BTBD9: variants seen among roughly 807,000 people sequenced by gnomAD.
BTBD9 encodes the protein BTB/POZ domain-containing protein 9.
BTBD9 carries 49 observed loss-of-function variants against 64.3 expected under a neutral mutation model. That is an observed-to-expected ratio of 0.76 (90% CI 0.61 to 0.97). The LOEUF is 0.97. Among genes scored for constraint, BTBD9 ranks in the 50% least tolerant of loss-of-function variants. The probability of loss-of-function intolerance (pLI) is 0.00; values close to 1 mark genes in which losing one functional copy is unlikely to be tolerated. For synonymous variants in BTBD9, 260 were observed against 274.7 expected, an observed-to-expected ratio of 0.95 and a Z score of 0.53; for missense variants, 598 against 762.1, an observed-to-expected ratio of 0.78 and a Z score of 2.53.
intron 9 of BTBD9, among the ~76,000 whole-genome samples, chr6:38,223,198 C>T (rs1032649628): frequency 1.3e-5 from 2 of 152,156 alleles, no homozygotes; most frequent in East Asian, 1.9e-4. Flanking sequence ...TGAGCCACTA[C>T]GCCCGGCCTA....
At chr6:38,617,777 A>G (rs1464821952) in intron 1 of BTBD9, among the ~76,000 whole-genome samples, 3 of 152,136 alleles carry the variant, frequency 2.0e-5, no homozygotes, top group Non-Finnish European at 4.4e-5. Context: ...CCTCCACTCC[A>G]TTTTGAGGCA....
intron 6 of BTBD9, 66 bp from the exon 7 acceptor site, chr6:38,345,159 C>T (rs1764231555): frequency 1.9e-6 from 2 of 1,034,056 alleles, no homozygotes; most frequent in Non-Finnish European, 1.5e-6. Flanking sequence ...CCAAGGATAA[C>T]AGAGTAAGAC....
At chr6:38,567,507 C>T (rs948482789) in intron 6 of BTBD9, among the ~76,000 whole-genome samples, 1 of 152,220 alleles carries the variant, frequency 6.6e-6, no homozygotes, top group Non-Finnish European at 1.5e-5. Flanking sequence ...CCACTCCCCC[C>T]ACCTTTCTTC....
chr6:38,465,946 G>A (rs912799275), intron 6 of BTBD9, among the ~76,000 whole-genome samples: 2 of 141,228 alleles, frequency 1.4e-5, no homozygotes, highest in African/African-American at 5.3e-5. Context: ...TCCTCTCATC[G>A]CAGCCTCCAG....
intron 6 of BTBD9, among the ~76,000 whole-genome samples, chr6:38,379,955 T>C (rs1765861476): frequency 6.6e-6 from 1 of 152,118 alleles, no homozygotes; most frequent in Non-Finnish European, 1.5e-5. Flanking sequence ...ATGTCCCACA[T>C]AGAAAATATA....
chr6:38,541,464 C>A (rs935758992), intron 6 of BTBD9, among the ~76,000 whole-genome samples: 1 of 152,072 alleles, frequency 6.6e-6, no homozygotes, highest in Non-Finnish European at 1.5e-5. Flanking sequence ...TCTGGCCAGG[C>A]GCAGTGGCTC....
chr6:38,321,217 CACAG>C (rs1408635684), intron 7 of BTBD9, among the ~76,000 whole-genome samples: 1 of 152,176 alleles, frequency 6.6e-6, no homozygotes, highest in Non-Finnish European at 1.5e-5. Context: ...TGAAACGAAT[CACAG>C]ACAGAAATAG....
chr6:38,395,592 C>T (rs1199165124), intron 6 of BTBD9, among the ~76,000 whole-genome samples: 1 of 152,090 alleles, frequency 6.6e-6, no homozygotes, highest in Non-Finnish European at 1.5e-5. Context: ...TATAAGCTAC[C>T]CAGTTAATAG....
chr6:38,391,555 T>G (rs1409126199), intron 6 of BTBD9, among the ~76,000 whole-genome samples: 2 of 152,196 alleles, frequency 1.3e-5, no homozygotes, highest in African/African-American at 4.8e-5. Flanking sequence ...GCTGTAATGA[T>G]TAATTCTCTT....
chr6:38,311,154 T>C (rs1300595398), intron 7 of BTBD9, among the ~76,000 whole-genome samples: 1 of 152,138 alleles, frequency 6.6e-6, no homozygotes, highest in Non-Finnish European at 1.5e-5. Flanking sequence ...TTATTGACTA[T>C]AGTCACCTTG....
At chr6:38,224,241 G>GACAATTCAGTAAT (rs1763312523) in intron 9 of BTBD9, among the ~76,000 whole-genome samples, 1 of 152,078 alleles carries the variant, frequency 6.6e-6, no homozygotes, top group Non-Finnish European at 1.5e-5. Context: ...ATGAGGTATG[G>GACAATTCAGTAAT]ACAATTCAGT....
intron 6 of BTBD9, among the ~76,000 whole-genome samples, chr6:38,500,777 A>G (rs909006721): frequency 6.6e-6 from 1 of 152,216 alleles, no homozygotes; most frequent in Admixed American, 6.5e-5. Context: ...AGGCTTAAAA[A>G]TAACCCCAAA....
chr6:38,499,593 G>C (rs1011841330), intron 6 of BTBD9, among the ~76,000 whole-genome samples: 3 of 152,040 alleles, frequency 2.0e-5, no homozygotes, highest in African/African-American at 7.2e-5. Context: ...TATCTGCTTT[G>C]TAAGTAAAAT....
rs138632769 is a variant in BTBD9, at chr6:38,473,067, G to A, written c.1154+104533C>T. Among the ~76,000 whole-genome samples, 1,198 of 152,234 alleles carry A rather than the reference G, an allele frequency of 7.9e-3. 13 individuals are homozygous for A. Among genetic ancestry groups the A allele is most frequent in the Non-Finnish European group, 0.013 (885 of 68,006 alleles). On this transcript the variant is annotated intron_variant, in intron 6 of 10. Coordinates refer to ENST00000481247, the MANE Select transcript of BTBD9 (RefSeq NM_001099272.2). ...AGTGAGGATTGGCTGGGGAGGTGAG[G>A]AAGGAAGAAAAGGTCCAACTTCTGT...
intron 6 of BTBD9, among the ~76,000 whole-genome samples, chr6:38,358,562 G>A (rs1344758135): frequency 6.6e-6 from 1 of 152,128 alleles, no homozygotes; most frequent in Non-Finnish European, 1.5e-5. Flanking sequence ...GAGCAGGGTG[G>A]CCAAGGATTC....
chr6:38,322,942 A>G (rs988166520), intron 7 of BTBD9, among the ~76,000 whole-genome samples: 5 of 152,222 alleles, frequency 3.3e-5, no homozygotes, highest in Admixed American at 6.5e-5. Flanking sequence ...GACAATTGAA[A>G]AATAAAAATA....
At chr6:38,523,754 A>G (rs931423829) in intron 6 of BTBD9, among the ~76,000 whole-genome samples, 9 of 152,204 alleles carry the variant, frequency 5.9e-5, no homozygotes, top group Admixed American at 4.6e-4. Context: ...AGCTAACTTT[A>G]TTTAAATCTC....
intron 7 of BTBD9, among the ~76,000 whole-genome samples, chr6:38,304,142 G>A (rs781128770): frequency 1.3e-5 from 2 of 151,646 alleles, no homozygotes; most frequent in Admixed American, 1.3e-4. Flanking sequence ...ATGGATACGT[G>A]TATATCAGTG....
intron 6 of BTBD9, among the ~76,000 whole-genome samples, chr6:38,376,076 C>T (rs1219755186): frequency 6.6e-6 from 1 of 152,134 alleles, no homozygotes; most frequent in Non-Finnish European, 1.5e-5. Context: ...AAAAAGCTAA[C>T]TCCAAATTAT....
Sources: allele counts gnomAD v4.1 joint callset (sites outside exome capture counted in the v4.1 genomes callset), GRCh38; gene constraint gnomAD v4.1.1; transcripts MANE v1.5; gene names NCBI Gene and HGNC (gene_info 2026-07-23, HGNC 2026-07-21).